CACNA1C: variants seen among roughly 807,000 people sequenced by gnomAD.
CACNA1C encodes the protein calcium voltage-gated channel subunit alpha1 C, also known as voltage-dependent L-type calcium channel subunit alpha-1C.
In CACNA1C, 30 loss-of-function variants were observed where a neutral mutation model predicts 229.0. The ratio of observed to expected loss-of-function variants is 0.13; its 90% CI spans 0.10 to 0.18. The LOEUF is 0.18. CACNA1C is among the 10% of genes least tolerant of loss of function. The pLI is 1.00. For synonymous variants in CACNA1C, 1,114 were observed against 1,132.5 expected (o/e 0.98, Z 0.33); for missense variants, 1,658 against 2,845.0 (o/e 0.58, Z 9.49).
In CACNA1C at chr12:2,664,672, TATATC is replaced by T. The variant is rs2095975518; in HGVS notation, c.4233-151_4233-147del. Among the ~76,000 whole-genome samples the T allele has an allele frequency of 1.1e-4, 17 of 152,312 alleles. No homozygotes were observed. The South Asian group carries it at 3.5e-3, about 32-fold the overall frequency. ...TGCTATGTGTTTCATATTTAGCAAA[TATATC>T]AGAGCATTCAGGGAATGATGAACAT... On this transcript the variant is annotated intron_variant, in intron 34 of 46. Coordinates refer to ENST00000399655, the MANE Select transcript of CACNA1C (RefSeq NM_000719.7).
chr12:2,041,268 T>TTA (rs1386879180), intron 1 of CACNA1C, among the ~76,000 whole-genome samples: 142 of 126,840 alleles, frequency 1.1e-3, no homozygotes, highest in African/African-American at 5.1e-3. Context: ...GCTAAGGGTA[T>TTA]TCTTTTTTTT....
chr12:2,082,886 A>G (rs980889308), intron 1 of CACNA1C, among the ~76,000 whole-genome samples: 3 of 152,298 alleles, frequency 2.0e-5, no homozygotes, highest in East Asian at 3.9e-4. Context: ...ATAGATATGC[A>G]CACACATATG....
At position 2,688,571 on chromosome 12, in the gene CACNA1C, C is replaced by T. The variant is rs1417213556; in HGVS notation, c.5909C>T (p.Pro1970Leu). ...CGAGGCTGGCCCCCACAGCCCGTCC[C>T]CACCCTGCGGCTTGAGGGGGTCGAG... Reference protein sequence around the residue: ...GSRGWPPQPVPTLRLEGVESS... With the variant: ...GSRGWPPQPVLTLRLEGVESS... Residue 1970 changes from proline to leucine, a missense_variant, in exon 46 of 47, where the codon CCC becomes CTC. Transcript: ENST00000399655. 2 of 1,613,892 alleles carry T rather than the reference C, an allele frequency of 1.2e-6. No individual in the cohort carries two copies. The highest frequency in any genetic ancestry group is 3.3e-5 in the Admixed American group (2 of 60,014).
chr12:1,987,159 A>G (rs1484557702), intron 1 of CACNA1C, among the ~76,000 whole-genome samples: 5 of 152,260 alleles, frequency 3.3e-5, no homozygotes, highest in Non-Finnish European at 4.4e-5. Flanking sequence ...ACAAATGGGC[A>G]TTAGAAGTAC....
chr12:2,055,297 C>A (rs2054237566), intron 1 of CACNA1C, among the ~76,000 whole-genome samples: 1 of 152,188 alleles, frequency 6.6e-6, no homozygotes, highest in East Asian at 1.9e-4. Flanking sequence ...CAAGATGACT[C>A]CCCTCCAGGT....
At chr12:2,386,985 G>A (rs2098402745) in intron 3 of CACNA1C, among the ~76,000 whole-genome samples, 1 of 152,160 alleles carries the variant, frequency 6.6e-6, no homozygotes, top group African/African-American at 2.4e-5. Flanking sequence ...TGCTAGACGT[G>A]GTGTGAAGAT....
At position 2,215,369 on chromosome 12, in the gene CACNA1C, A is replaced by C. The variant is rs2059713703; in HGVS notation, c.477+94939A>C. Among the ~76,000 whole-genome samples, 1 of 151,854 alleles carries C rather than the reference A, an allele frequency of 6.6e-6. No individual in the cohort carries two copies. Among genetic ancestry groups the C allele is most frequent in the Non-Finnish European group, 1.5e-5 (1 of 67,984 alleles). ...TGGTGCTGAGGGCTCTGTTACCCTGATGGCTTGCCAGCTTGCAGGGCCCAG... is the reference window on the plus strand; with the variant it reads ...TGGTGCTGAGGGCTCTGTTACCCTGCTGGCTTGCCAGCTTGCAGGGCCCAG... On this transcript the variant is annotated intron_variant, in intron 3 of 46. Coordinates refer to ENST00000399655, the MANE Select transcript of CACNA1C (RefSeq NM_000719.7). This position sits in a 1 kb window ranked among gnomAD's most constrained non-coding sequence, Gnocchi z 5.0.
chr12:2,451,569 G>A (rs1234239872), intron 4 of CACNA1C, among the ~76,000 whole-genome samples: 2 of 152,332 alleles, frequency 1.3e-5, no homozygotes, highest in South Asian at 2.1e-4. Context: ...AGTAGGCACC[G>A]AACAGGAGCC....
intron 3 of CACNA1C, among the ~76,000 whole-genome samples, chr12:2,154,550 G>A (rs114711212): frequency 0.01 from 1,548 of 152,258 alleles, 24 homozygotes; most frequent in African/African-American, 0.035. Context: ...TAGGGCTCAG[G>A]GGTCTCAACC....
At chr12:2,298,668 G>A (rs1317752471) in intron 3 of CACNA1C, among the ~76,000 whole-genome samples, 2 of 152,240 alleles carry the variant, frequency 1.3e-5, no homozygotes, top group East Asian at 1.9e-4. Context: ...TTCAGAAGGT[G>A]ACAAGTGGAG....
intron 15 of CACNA1C, among the ~76,000 whole-genome samples, chr12:2,583,273 C>T (rs2061255739): frequency 6.6e-6 from 1 of 152,232 alleles, no homozygotes; most frequent in Non-Finnish European, 1.5e-5. Context: ...GGCCGGCTGC[C>T]CTGGGGCCGC....
At chr12:2,565,261 G>A (rs896420671) in intron 11 of CACNA1C, among the ~76,000 whole-genome samples, 4 of 151,898 alleles carry the variant, frequency 2.6e-5, no homozygotes, top group Admixed American at 2.0e-4. Flanking sequence ...GAGGTCAGGA[G>A]ATCGAGACCA....
At chr12:2,397,289 T>C (rs1196755686) in intron 3 of CACNA1C, among the ~76,000 whole-genome samples, 1 of 152,232 alleles carries the variant, frequency 6.6e-6, no homozygotes, top group Non-Finnish European at 1.5e-5. Context: ...GCTTGTGTCT[T>C]GGATTTTGAA....
At chr12:2,441,960 C>T (rs1271933181) in intron 3 of CACNA1C, among the ~76,000 whole-genome samples, 3 of 152,214 alleles carry the variant, frequency 2.0e-5, no homozygotes, top group African/African-American at 7.2e-5. Context: ...CCGAAGCCCT[C>T]TGTGGAGGCC....
intron 18 of CACNA1C, among the ~76,000 whole-genome samples, chr12:2,589,158 GT>G (rs923922413): frequency 4.5e-4 from 68 of 152,298 alleles, no homozygotes; most frequent in African/African-American, 1.6e-3. Context: ...ACTGTGCTAG[GT>G]ACCAGGGACA....
At chr12:2,337,446 G>C (rs2096733346) in intron 3 of CACNA1C, among the ~76,000 whole-genome samples, 1 of 152,204 alleles carries the variant, frequency 6.6e-6, no homozygotes, top group Non-Finnish European at 1.5e-5. Context: ...TCGCCACAGT[G>C]AAGATGCTTA....
chr12:2,282,687 G>T (rs1342722722), intron 3 of CACNA1C, among the ~76,000 whole-genome samples: 1 of 152,182 alleles, frequency 6.6e-6, no homozygotes, highest in Non-Finnish European at 1.5e-5. Context: ...GCTGCGGCAG[G>T]TCTCAGCAGA....
chr12:2,113,143 C>G (rs573224388), intron 1 of CACNA1C, among the ~76,000 whole-genome samples: 1 of 152,304 alleles, frequency 6.6e-6, no homozygotes, highest in East Asian at 1.9e-4. Context: ...GTCTCACCTG[C>G]CTCACCTGCG....
chr12:2,097,595 A>G (rs1007941717), intron 1 of CACNA1C, among the ~76,000 whole-genome samples: 7 of 152,284 alleles, frequency 4.6e-5, no homozygotes, highest in South Asian at 2.1e-4. Flanking sequence ...TAGCCGTCCT[A>G]AGGGGTTTGA....
Sources: gnomAD v4.1 joint callset for allele counts (sites outside exome capture counted in the v4.1 genomes callset) on GRCh38, gnomAD v4.1.1 for gene constraint, Gnocchi (gnomAD v3.1) non-coding constraint, MANE v1.5 for transcripts, NCBI Gene and HGNC (gene_info 2026-07-23, HGNC 2026-07-21) for gene names.